PSPC1: variants seen among roughly 807,000 people sequenced by gnomAD.
PSPC1 encodes paraspeckle protein 1.
Under a neutral mutation model 51.6 loss-of-function variants are expected in PSPC1, and 14 were observed. The ratio of observed to expected loss-of-function variants is 0.27; its 90% confidence interval spans 0.18 to 0.42. The LOEUF (loss-of-function observed/expected upper bound fraction) is 0.42. Ranked by LOEUF, PSPC1 falls within the 10% of genes least tolerant of loss-of-function variation. The pLI, the probability that PSPC1 is intolerant of heterozygous loss-of-function variation, is 1.00. For synonymous variants in PSPC1, 193 were observed against 231.9 expected (o/e 0.83, Z 1.53); for missense variants, 406 against 701.1 (o/e 0.58, Z 4.75).
At chr13:19,778,260 A>T (rs899629188) in intron 1 of PSPC1, among the ~76,000 whole-genome samples, 1 of 151,420 alleles carries the variant, frequency 6.6e-6, no homozygotes, top group Non-Finnish European at 1.5e-5. Flanking sequence ...AAATTACACT[A>T]TCTTAAAGGT....
At chr13:19,718,497 T>A (rs1445417072) in intron 6 of PSPC1, among the ~76,000 whole-genome samples, 3 of 152,166 alleles carry the variant, frequency 2.0e-5, no homozygotes, top group African/African-American at 7.2e-5. Context: ...CTGGCCAAGA[T>A]GCGATGCAAC....
chr13:19,724,733 C>T lies in PSPC1; in HGVS notation c.1158+5506G>A. ...GCCGAGCGTGGGCCGGGCGTGGTGG[C>T]TCATACATGTAATCCCACCACTTTG... On this transcript the variant is annotated intron_variant, in intron 6 of 8. Transcript: ENST00000338910. Among the ~76,000 whole-genome samples the T allele has an allele frequency of 1.3e-5, 2 of 152,106 alleles. 1 individual carries two copies. The highest frequency in any genetic ancestry group is 2.9e-5 in the Non-Finnish European group (2 of 68,034).
intron 6 of PSPC1, among the ~76,000 whole-genome samples, chr13:19,688,258 G>A (rs1878158518): frequency 6.6e-6 from 1 of 151,828 alleles, no homozygotes; most frequent in Non-Finnish European, 1.5e-5. Context: ...ATCCGTCAAG[G>A]TACCAAAGTA....
At chr13:19,685,207 A>G (rs954306208) in intron 6 of PSPC1, among the ~76,000 whole-genome samples, 1 of 152,230 alleles carries the variant, frequency 6.6e-6, no homozygotes, top group Non-Finnish European at 1.5e-5. Context: ...ACTGCGCCAC[A>G]TCAGAGCCCA....
chr13:19,692,812 T>C (rs1878725579), intron 6 of PSPC1, among the ~76,000 whole-genome samples: 1 of 152,208 alleles, frequency 6.6e-6, no homozygotes, highest in East Asian at 1.9e-4. Flanking sequence ...GAATTCACTA[T>C]ACCTCTGAAT....
At chr13:19,695,318 T>A (rs1458148224) in intron 6 of PSPC1, among the ~76,000 whole-genome samples, 1 of 152,192 alleles carries the variant, frequency 6.6e-6, no homozygotes, top group Non-Finnish European at 1.5e-5. Flanking sequence ...GAACATAAGT[T>A]AAGTACATTC....
chr13:19,742,607 T>TG (rs1348042701), intron 4 of PSPC1, among the ~76,000 whole-genome samples: 1 of 151,960 alleles, frequency 6.6e-6, no homozygotes, highest in Non-Finnish European at 1.5e-5. Flanking sequence ...GGTATGGAGG[T>TG]GCACGCCTGT....
At chr13:19,760,980 T>A (rs985504030) in intron 2 of PSPC1, among the ~76,000 whole-genome samples, 1 of 150,526 alleles carries the variant, frequency 6.6e-6, no homozygotes, top group African/African-American at 2.5e-5. Flanking sequence ...AGAGTGAAAC[T>A]CCGTCTCAAA....
At position 19,694,178 on chromosome 13, in the gene PSPC1, TACACAC is replaced by T. The variant is rs373687009; in HGVS notation, c.1159-16361_1159-16356del. Among the ~76,000 whole-genome samples, 180 of 118,738 alleles carry T rather than the reference TACACAC, an allele frequency of 1.5e-3. 2 individuals are homozygous for T. Among genetic ancestry groups the T allele is most frequent in the African/African-American group, 5.4e-3 (166 of 30,598 alleles). The allele number at this position is 118,738 out of a possible 152,430, so 77.9% of individuals were successfully genotyped here. Reference sequence around the variant, plus strand: ...ATATATATATATATACATACACACATACACACACACACACACTAAAACTTTAAATTT... The same window carrying T: ...ATATATATATATATACATACACACATACACACACACTAAAACTTTAAATTT... On this transcript the variant is annotated intron_variant and NMD_transcript_variant, in intron 6 of 7. Transcript: ENST00000471658.
chr13:19,780,040 C>G (rs1452817564), intron 1 of PSPC1, among the ~76,000 whole-genome samples: 15 of 139,248 alleles, frequency 1.1e-4, no homozygotes, highest in East Asian at 2.3e-4. Context: ...CGGCCAGCCG[C>G]CCCGTCCGGG....
downstream of PSPC1, among the ~76,000 whole-genome samples, chr13:19,673,866 G>GAA (rs529678441): frequency 1.4e-4 from 22 of 152,332 alleles, no homozygotes; most frequent in East Asian, 2.3e-3. Context: ...ATAACATTTA[G>GAA]AAGTACAGGT....
intron 6 of PSPC1, among the ~76,000 whole-genome samples, chr13:19,728,577 C>T (rs559932556): frequency 6.6e-6 from 1 of 152,106 alleles, no homozygotes; most frequent in East Asian, 1.9e-4. Context: ...ATTCTTAATA[C>T]AATGCTTTCC....
At chr13:19,777,508 A>T (rs1889290767) in intron 1 of PSPC1, among the ~76,000 whole-genome samples, 1 of 152,128 alleles carries the variant, frequency 6.6e-6, no homozygotes, top group Non-Finnish European at 1.5e-5. Context: ...ATGTCCAAAA[A>T]ATAAATAAAT....
intron 5 of PSPC1, among the ~76,000 whole-genome samples, chr13:19,736,805 TTG>T (rs1462531079): frequency 2.0e-5 from 3 of 152,196 alleles, no homozygotes; most frequent in African/African-American, 7.2e-5. Context: ...TATTAACCCC[TTG>T]TATAACCATA....
Position 19,782,655 on chromosome 13 carries a change from C to A in PSPC1, c.103G>T (p.Ala35Ser). The change falls in exon 1 of 9, where the codon GCA (alanine) becomes TCA (serine). Residue 35 changes from alanine (A) to serine (S), a missense_variant. By Grantham distance (99) the Ala-to-Ser change is moderately conservative. Around this residue, in one of 5 missense-constraint regions of PSPC1, gnomAD observed 128 missense variants for 107.1 expected, o/e 1.20. Coordinates refer to ENST00000338910, the MANE Select transcript of PSPC1 (RefSeq NM_001354909.2). The surrounding 1 kb of genome is among the most constrained non-coding windows in gnomAD (Gnocchi z 4.5). ...AVGESEPAAAAAMALALAGEP... is the reference protein window; with the variant it reads ...AVGESEPAAASAMALALAGEP... Reference sequence around the variant, plus strand: ...CCGGCAAGAGCGAGCGCCATGGCTGCCGCGGCCGCCGGCTCGCTCTCGCCC... The same window carrying A: ...CCGGCAAGAGCGAGCGCCATGGCTGACGCGGCCGCCGGCTCGCTCTCGCCC... 1 of 1,551,598 alleles carries A rather than the reference C, an allele frequency of 6.4e-7. No individual in the cohort carries two copies. Among genetic ancestry groups the A allele is most frequent in the Admixed American group, 2.1e-5 (1 of 47,858 alleles).
intron 6 of PSPC1, among the ~76,000 whole-genome samples, chr13:19,693,735 G>A (rs911610315): frequency 6.6e-6 from 1 of 152,130 alleles, no homozygotes; most frequent in Non-Finnish European, 1.5e-5. Flanking sequence ...TCTTTCCTGA[G>A]AACTTCGTGC....
intron 6 of PSPC1, among the ~76,000 whole-genome samples, chr13:19,728,673 T>TG (rs1883675310): frequency 1.3e-5 from 2 of 152,154 alleles, no homozygotes; most frequent in Non-Finnish European, 2.9e-5. Context: ...TTTGCAGTAG[T>TG]AAGAGGCACT....
At chr13:19,768,331 G>C (rs929369555) in intron 2 of PSPC1, among the ~76,000 whole-genome samples, 1 of 152,064 alleles carries the variant, frequency 6.6e-6, no homozygotes, top group African/African-American at 2.4e-5. Context: ...AATTCAGTAA[G>C]AAGACAATCT....
At chr13:19,720,063 G>C (rs1435912876) in intron 6 of PSPC1, among the ~76,000 whole-genome samples, 1 of 152,020 alleles carries the variant, frequency 6.6e-6, no homozygotes, top group African/African-American at 2.4e-5. Flanking sequence ...ACTCTGAAGA[G>C]GTGCTTTTAA....
Sources: gnomAD v4.1 joint callset for allele counts (sites outside exome capture counted in the v4.1 genomes callset) on GRCh38, gnomAD v4.1.1 for gene constraint, gnomAD v4.1.1 regional missense constraint, Gnocchi (gnomAD v3.1) non-coding constraint, MANE v1.5 for transcripts, NCBI Gene and HGNC (gene_info 2026-07-23, HGNC 2026-07-21) for gene names.